Variants in KAT8 observed in about 807,000 individuals in gnomAD.
The protein encoded by KAT8 is lysine acetyltransferase 8.
In KAT8, 40 loss-of-function variants were observed where a neutral mutation model predicts 62.9. The ratio of observed to expected loss-of-function variants is 0.64; its 90% CI spans 0.49 to 0.83. The LOEUF (loss-of-function observed/expected upper bound fraction) is 0.83, where lower values mean the gene tolerates loss of function less well. Among genes scored for constraint, KAT8 ranks in the 40% least tolerant of loss-of-function variants. The probability of loss-of-function intolerance (pLI) is 0.00; values close to 1 mark genes in which losing one functional copy is unlikely to be tolerated. For synonymous variants in KAT8, 278 were observed against 254.5 expected (o/e 1.09, Z -0.88); for missense variants, 387 against 614.8 (o/e 0.63, Z 3.92).
chr16:31,127,323 G>A lies in KAT8; in HGVS notation c.651G>A (p.Met217Ile). The change falls in exon 5 of 11, where the codon ATG becomes ATA. Residue 217 changes from methionine to isoleucine, a missense_variant. Met to Ile is a conservative substitution (Grantham distance 10, BLOSUM62 1). This residue lies in a region of KAT8 where 141 missense variants were observed against 222.5 expected (regional missense o/e 0.63). Coordinates refer to ENST00000219797, the MANE Select transcript of KAT8 (RefSeq NM_032188.3). ...LWLCEYCLKY[M>I]KYEKSYRFHL... ...TCTGCGAGTACTGCCTCAAGTACATGAAATATGAGAAGAGCTACCGCTTCC... is the reference window on the plus strand; with the variant it reads ...TCTGCGAGTACTGCCTCAAGTACATAAAATATGAGAAGAGCTACCGCTTCC... 6.2e-7 allele frequency: 1 copy of A among 1,614,240 alleles called. No individual in the cohort carries two copies. Among genetic ancestry groups the A allele is most frequent in the Non-Finnish European group, 8.5e-7 (1 of 1,180,034 alleles).
In KAT8 at chr16:31,120,382, G is replaced by T; in HGVS notation, c.330G>T (p.Ala110=). 6.2e-7 allele frequency: 1 copy of T among 1,614,066 alleles called. No individual in the cohort carries two copies. Among genetic ancestry groups the T allele is most frequent in the Non-Finnish European group, 8.5e-7 (1 of 1,179,948 alleles). ...AGTGGGTAGACAAGAACCGGCTGGCGCTGACCAAGACAGTGAAGGATGCTG... is the reference window on the plus strand; with the variant it reads ...AGTGGGTAGACAAGAACCGGCTGGCTCTGACCAAGACAGTGAAGGATGCTG... ...LDEWVDKNRL[A]LTKTVKDAVQ... is the part of the protein sequence containing the mutation. Residue 110 remains alanine, a synonymous_variant, in exon 3 of 11, where the codon GCG becomes GCT. Transcript: ENST00000219797.
rs1303892420 is a variant in KAT8, at chr16:31,130,265, A to G, written c.913-2A>G. 1 of 1,614,092 alleles carries G rather than the reference A, an allele frequency of 6.2e-7. No individual in the cohort carries two copies. The highest frequency in any genetic ancestry group is 8.5e-7 in the Non-Finnish European group (1 of 1,179,932). On this transcript the variant is annotated splice_acceptor_variant, in intron 7 of 10. Transcript: ENST00000219797. LOFTEE classifies it high-confidence loss of function. ...GCGGCCCTGAGCACCTGCCTCCTGC[A>G]GGAGAAGGAGTCCCCGGATGGAAAC...
chr16:31,131,137 C>G, intron 10 of KAT8, 58 bp from the exon 11 acceptor site: 1 of 1,604,080 alleles, frequency 6.2e-7, no homozygotes, highest in Non-Finnish European at 8.5e-7. Flanking sequence ...GGAGGGCAGC[C>G]AGGTGTGAGC....
At chr16:31,119,889 C>T (rs1371518245) in intron 1 of KAT8, among the ~76,000 whole-genome samples, 2 of 151,798 alleles carry the variant, frequency 1.3e-5, no homozygotes, top group Non-Finnish European at 2.9e-5. Flanking sequence ...CCATGTTGAC[C>T]AGGCTGGTCT....
intron 10 of KAT8, 23 bp from the exon 11 acceptor site, chr16:31,131,172 C>G: frequency 6.2e-7 from 1 of 1,613,274 alleles, no homozygotes; most frequent in Non-Finnish European, 8.5e-7. Context: ...CCCAGCCCTG[C>G]CTCCCGCCCC....
chr16:31,117,813 G>C lies in KAT8; in HGVS notation c.132G>C (p.Pro44=), dbSNP rs761283662. ...CATCCCCGGGCCGCGTCTCTCCGCCGACCCCGGCGCGCGGCGAGCCGGAAG... is the reference window on the plus strand; with the variant it reads ...CATCCCCGGGCCGCGTCTCTCCGCCCACCCCGGCGCGCGGCGAGCCGGAAG... The part of the protein sequence containing the change: ...TAPSPGRVSP[P]TPARGEPEVT... Residue 44 remains proline, a synonymous_variant, in exon 1 of 11, where the codon CCG becomes CCC. Transcript: ENST00000219797. The C allele has an allele frequency of 1.4e-6, 2 of 1,433,248 alleles. No individual in the cohort carries two copies. The highest frequency in any genetic ancestry group is 2.8e-5 in the South Asian group (2 of 72,004). The allele number at this position is 1,433,248 out of a possible 1,614,324, so 88.8% of individuals were successfully genotyped here. A position where few individuals can be genotyped will look rare whatever the true frequency, so the allele number is the denominator to read the frequency against.
At chr16:31,130,715 G>A (rs2057571007) in intron 9 of KAT8, 31 bp from the exon 10 acceptor site, 2 of 1,613,260 alleles carry the variant, frequency 1.2e-6, no homozygotes, top group African/African-American at 2.7e-5. Context: ...AGGGCACCAG[G>A]TCTGGCATTT....
At chr16:31,120,707 C>G (rs1596818102) in intron 3 of KAT8, 193 bp downstream of exon 3, 1 of 555,314 alleles carries the variant, frequency 1.8e-6, no homozygotes, top group East Asian at 2.9e-5. Flanking sequence ...AAGGGCTTCG[C>G]TGCAGTCTCA....
rs1188488571 is a variant in KAT8 at position 31,131,270 on chromosome 16, C to G, written c.*11C>G. 1.9e-6 allele frequency: 3 copies of G among 1,614,028 alleles called. No homozygotes were observed. The highest frequency in any genetic ancestry group is 3.3e-5 in the Admixed American group (2 of 60,004). ...CTCTCCAAGAAGTGAGCAGCCTGGC[C>G]CCTGCTGTCGGACCTGAGCCTCCTG... is the stretch of plus-strand genomic sequence containing the variant. On this transcript the variant is annotated 3_prime_UTR_variant, in exon 11 of 11. Transcript: ENST00000219797.
intron 5 of KAT8, 117 bp downstream of exon 5, chr16:31,127,470 C>G: frequency 9.4e-7 from 1 of 1,061,256 alleles, no homozygotes; most frequent in Non-Finnish European, 1.4e-6. Flanking sequence ...CCCAAAGGAG[C>G]GAGTACAGGG....
At chr16:31,118,094 G>A (rs905461272) in intron 1 of KAT8, 4 of 414,922 alleles carry the variant, frequency 9.6e-6, no homozygotes, top group Non-Finnish European at 1.3e-5. Flanking sequence ...CTTGAATTAT[G>A]CCGAGCGACG....
At chr16:31,126,971 G>C in intron 3 of KAT8, 64 bp from the exon 4 acceptor site, 1 of 1,581,282 alleles carries the variant, frequency 6.3e-7, no homozygotes. Context: ...TGTGGGTCCT[G>C]ACGGGAGGGA....
chr16:31,121,859 C>T (rs2057496113), intron 3 of KAT8, among the ~76,000 whole-genome samples: 1 of 152,068 alleles, frequency 6.6e-6, no homozygotes, highest in Non-Finnish European at 1.5e-5. Context: ...TCAAGCAATC[C>T]TCCTGCCTCA....
At chr16:31,120,314 G>A (rs756989920) in intron 2 of KAT8, 25 bp from the exon 3 acceptor site, 4 of 1,614,044 alleles carry the variant, frequency 2.5e-6, no homozygotes, top group Admixed American at 1.7e-5. Context: ...TGCCCTGGCA[G>A]CACTCTTATG....
chr16:31,119,061 C>T (rs1255048982), intron 1 of KAT8, among the ~76,000 whole-genome samples: 1 of 151,958 alleles, frequency 6.6e-6, no homozygotes, highest in Non-Finnish European at 1.5e-5. Flanking sequence ...TATCCCTTTT[C>T]ACAGATGAAG....
chr16:31,126,859 A>T, intron 3 of KAT8, 176 bp from the exon 4 acceptor site: 1 of 640,404 alleles, frequency 1.6e-6, no homozygotes. Context: ...GTGTGAGAGG[A>T]GTCTGGACCA....
intron 5 of KAT8, 36 bp downstream of exon 5, chr16:31,127,389 G>C: frequency 6.2e-7 from 1 of 1,609,812 alleles, no homozygotes; most frequent in Non-Finnish European, 8.5e-7. Flanking sequence ...CTGGGCAGGG[G>C]CCCGGTGAGA....
Position 31,131,203 on chromosome 16 carries a change from G to T in KAT8, c.1321G>T (p.Val441Phe). 1 of 1,614,030 alleles carries T rather than the reference G, an allele frequency of 6.2e-7. No individual in the cohort carries two copies. The highest frequency in any genetic ancestry group is 8.5e-7 in the Non-Finnish European group (1 of 1,179,930). ...YKKPPITVDSVCLKWAPPKHK... is the reference protein window; with the variant it reads ...YKKPPITVDSFCLKWAPPKHK... Reference sequence around the variant, plus strand: ...GCCCCTTCTCCCCACAGTGGACTCCGTCTGCCTCAAGTGGGCACCCCCCAA... The same window carrying T: ...GCCCCTTCTCCCCACAGTGGACTCCTTCTGCCTCAAGTGGGCACCCCCCAA... The change falls in exon 11 of 11, where the codon GTC becomes TTC. Residue 441 changes from valine (V) to phenylalanine (F), a missense_variant. Around this residue, in one of 6 missense-constraint regions of KAT8, gnomAD observed 75 missense variants for 105.7 expected, o/e 0.71. Coordinates refer to ENST00000219797, the MANE Select transcript of KAT8 (RefSeq NM_032188.3).
rs576939295 is a variant in KAT8, at chr16:31,129,931, C to T, written c.772-86C>T. ...TTCTGGCCTGGCGAGGCGCCCACTT[C>T]GCGTGGGCTGGTGCCGGCCGCTGGA... On this transcript the variant is annotated intron_variant, in intron 6 of 10. Transcript: ENST00000219797. 5.1e-5 allele frequency: 75 copies of T among 1,475,608 alleles called. No homozygotes were observed. The East Asian group carries it at 8.4e-4, about 16-fold the overall frequency. The allele number at this position is 1,475,608 out of a possible 1,614,324, so 91.4% of individuals were successfully genotyped here. A position where few individuals can be genotyped will look rare whatever the true frequency, so the allele number is the denominator to read the frequency against.
Sources: gnomAD v4.1 joint callset for allele counts (sites outside exome capture counted in the v4.1 genomes callset) on GRCh38, gnomAD v4.1.1 for gene constraint, gnomAD v4.1.1 regional missense constraint, MANE v1.5 for transcripts, NCBI Gene and HGNC (gene_info 2026-07-23, HGNC 2026-07-21) for gene names.